The following AAGAB variants were observed in gnomAD, a reference collection of about 807,000 sequenced individuals.
The protein encoded by AAGAB is alpha and gamma adaptin binding protein.
AAGAB carries 38 observed loss-of-function variants against 44.1 expected under a neutral mutation model. That is an observed-to-expected ratio of 0.86 (90% CI 0.67 to 1.13). AAGAB has a LOEUF of 1.13. Among genes scored for constraint, AAGAB ranks in the 50% most tolerant of loss-of-function variants. AAGAB has a pLI of 0.00. For synonymous variants in AAGAB, 131 were observed against 131.8 expected (o/e 0.99, Z 0.04); for missense variants, 450 against 373.8 (o/e 1.20, Z -1.68).
intron 5 of AAGAB, among the ~76,000 whole-genome samples, chr15:67,221,942 C>G (rs1476172850): frequency 2.0e-5 from 3 of 152,000 alleles, no homozygotes; most frequent in African/African-American, 4.8e-5. Flanking sequence ...TTACCAATAA[C>G]CACAACCCCT....
intron 4 of AAGAB, chr15:67,232,879 T>A: frequency 6.0e-6 from 1 of 166,166 alleles, no homozygotes; most frequent in Non-Finnish European, 1.3e-5. Flanking sequence ...ACTGTGGCTT[T>A]TTCATGAGAA....
chr15:67,245,664 AC>A (rs1298226011), intron 1 of AAGAB, among the ~76,000 whole-genome samples: 1 of 152,226 alleles, frequency 6.6e-6, no homozygotes, highest in Admixed American at 6.5e-5. Flanking sequence ...GGAGATACTG[AC>A]CCCATTACTA....
intron 4 of AAGAB, among the ~76,000 whole-genome samples, chr15:67,232,207 T>C (rs1041071351): frequency 6.9e-6 from 1 of 145,374 alleles, no homozygotes; most frequent in Non-Finnish European, 1.5e-5. Flanking sequence ...TGAGCCGAGA[T>C]GGCACCATTC....
chr15:67,203,407 A>T, intron 9 of AAGAB, 141 bp downstream of exon 9: 1 of 756,364 alleles, frequency 1.3e-6, no homozygotes. Context: ...TACTGTATAA[A>T]TATTTAATTA....
chr15:67,242,575 G>C (rs984143057), intron 1 of AAGAB, among the ~76,000 whole-genome samples: 11 of 152,092 alleles, frequency 7.2e-5, no homozygotes, highest in Non-Finnish European at 1.5e-4. Flanking sequence ...CAGTAGTTGT[G>C]AAAAGGTTAG....
rs552063544 is a variant in AAGAB at position 67,228,105 on chromosome 15, T to A, written c.535+3709A>T. Among the ~76,000 whole-genome samples the A allele has an allele frequency of 1.6e-4, 24 of 152,334 alleles. No individual in the cohort carries two copies. The South Asian group carries it at 5.0e-3, about 32-fold the overall frequency. ...AACACATTTGACCACACTTCCAAAGTAATAAAGCATGTTTAGTCCAGCTTC... is the reference window on the plus strand; with the variant it reads ...AACACATTTGACCACACTTCCAAAGAAATAAAGCATGTTTAGTCCAGCTTC... On this transcript the variant is annotated intron_variant, in intron 5 of 9. Transcript: ENST00000261880.
At chr15:67,232,715 A>T (rs1012893098) in intron 4 of AAGAB, 2 of 266,314 alleles carry the variant, frequency 7.5e-6, no homozygotes, top group African/African-American at 4.5e-5. Flanking sequence ...ATAGACTTAC[A>T]AGACATGGCC....
chr15:67,251,236 CTG>C lies in AAGAB; in HGVS notation c.73+3321_73+3322del, dbSNP rs55690815. 1.1e-3 allele frequency among the ~76,000 whole-genome samples: 165 copies of C among 147,116 alleles called. 1 individual carries two copies. The Middle Eastern group carries it at 0.014, about 12-fold the overall frequency. ...AGTGCGTGTGTGTGTGTGTGTGTGT[CTG>C]TGTGTGTGTGTGTGTGTGTATTTGA... On this transcript the variant is annotated intron_variant, in intron 1 of 9. Coordinates refer to ENST00000261880, the MANE Select transcript of AAGAB (RefSeq NM_024666.5).
At chr15:67,237,156 T>A (rs1001064107) in intron 1 of AAGAB, among the ~76,000 whole-genome samples, 1 of 152,206 alleles carries the variant, frequency 6.6e-6, no homozygotes, top group African/African-American at 2.4e-5. Flanking sequence ...CTATTTATTG[T>A]ATTGCTTAAG....
At chr15:67,235,796 AC>A (rs1294068681) in intron 4 of AAGAB, among the ~76,000 whole-genome samples, 182 bp downstream of exon 4, 2 of 152,356 alleles carry the variant, frequency 1.3e-5, no homozygotes, top group Admixed American at 6.5e-5. Flanking sequence ...AGGTGGTAAA[AC>A]CAAAAAAATG....
At chr15:67,238,349 G>A (rs1469664974) in intron 1 of AAGAB, among the ~76,000 whole-genome samples, 1 of 151,998 alleles carries the variant, frequency 6.6e-6, no homozygotes, top group Non-Finnish European at 1.5e-5. Context: ...CAATTCCATC[G>A]CAACCAGCTG....
chr15:67,241,345 C>T (rs1487046559), intron 1 of AAGAB, among the ~76,000 whole-genome samples: 2 of 152,166 alleles, frequency 1.3e-5, no homozygotes, highest in Non-Finnish European at 2.9e-5. Context: ...CACCTCAAAT[C>T]AAGATGATCC....
chr15:67,247,428 T>C (rs549393817), intron 1 of AAGAB, among the ~76,000 whole-genome samples: 1 of 152,360 alleles, frequency 6.6e-6, no homozygotes, highest in East Asian at 1.9e-4. Context: ...GCATACTTTC[T>C]AGATTTTTAC....
chr15:67,238,636 C>CA (rs1343848798), intron 1 of AAGAB, among the ~76,000 whole-genome samples: 3 of 149,508 alleles, frequency 2.0e-5, no homozygotes, highest in South Asian at 4.2e-4. Context: ...AGGAGCAAAG[C>CA]AAAAAAATGT....
Position 67,254,633 on chromosome 15 carries a change from G to T in AAGAB, c.-2C>A, listed in dbSNP as rs759522737. 1 of 1,592,250 alleles carries T rather than the reference G, an allele frequency of 6.3e-7. No homozygotes were observed. The highest frequency in any genetic ancestry group is 1.1e-5 in the South Asian group (1 of 88,548). ...CGCACAGGGTACGCCAGCAGCCATA[G>T]CTGCGCTCGCGAGCCGGTTCCGTCA... On this transcript the variant is annotated 5_prime_UTR_variant, in exon 1 of 10. Transcript: ENST00000261880.
intron 1 of AAGAB, among the ~76,000 whole-genome samples, chr15:67,252,264 T>C (rs948654395): frequency 2.0e-5 from 3 of 152,232 alleles, no homozygotes; most frequent in East Asian, 3.8e-4. Flanking sequence ...GAATAATTAA[T>C]ATTCCTGAGA....
intron 1 of AAGAB, among the ~76,000 whole-genome samples, chr15:67,237,321 G>C (rs536275476): frequency 6.6e-6 from 1 of 152,274 alleles, no homozygotes; most frequent in Non-Finnish European, 1.5e-5. Context: ...CATTAATTCA[G>C]CTAATGAAAT....
intron 5 of AAGAB, among the ~76,000 whole-genome samples, chr15:67,219,695 T>G (rs949865063): frequency 6.6e-6 from 1 of 152,040 alleles, no homozygotes. Context: ...AAACGATCTA[T>G]GGGGCAATGG....
At chr15:67,237,590 G>A (rs922030354) in intron 1 of AAGAB, among the ~76,000 whole-genome samples, 2 of 152,166 alleles carry the variant, frequency 1.3e-5, no homozygotes, top group Non-Finnish European at 2.9e-5. Context: ...ACATGGTTAT[G>A]GAGCCATGGA....
Sources: gnomAD v4.1 joint callset for allele counts (sites outside exome capture counted in the v4.1 genomes callset) on GRCh38, gnomAD v4.1.1 for gene constraint, MANE v1.5 for transcripts, NCBI Gene and HGNC (gene_info 2026-07-23, HGNC 2026-07-21) for gene names.